The following STAB1 variants were observed in gnomAD, a reference collection of about 807,000 sequenced individuals.
STAB1 encodes stabilin-1.
A neutral mutation model predicts 332.4 loss-of-function variants in STAB1; 250 were observed. The observed-to-expected ratio is 0.75, with a 90% confidence interval of 0.68 to 0.84. STAB1 has a LOEUF of 0.84. STAB1 is among the 40% of genes least tolerant of loss of function. The probability of loss-of-function intolerance (pLI) is 0.00; values close to 1 mark genes in which losing one functional copy is unlikely to be tolerated. For synonymous variants in STAB1, 1,475 were observed against 1,390.4 expected (o/e 1.06, Z -1.35); for missense variants, 3,249 against 3,489.7 (o/e 0.93, Z 1.74).
In STAB1 at chr3:52,518,539, T is replaced by A. The variant is rs753448657; in HGVS notation, c.4813T>A (p.Tyr1605Asn). 10 of 1,587,102 alleles carry A rather than the reference T, an allele frequency of 6.3e-6. No homozygotes were observed. In the African/African-American group the frequency reaches 1.3e-4, roughly 21 times the overall value. ...ATGCTGTTGCTGCCTCCCGCAGGAA[T>A]ATAAGGAGCTCAAGGGCGATGGGCC... Reference protein sequence around the residue: ...ASFFSLRLLEYKELKGDGPFT... With the variant: ...ASFFSLRLLENKELKGDGPFT... The change falls in exon 47 of 69, where the codon TAT becomes AAT. Residue 1605 changes from tyrosine to asparagine, a missense_variant. By Grantham distance (143) the Tyr-to-Asn change is moderately radical. Transcript: ENST00000321725.
intron 1 of STAB1, among the ~76,000 whole-genome samples, chr3:52,500,939 T>A (rs938845743): frequency 2.6e-5 from 4 of 152,112 alleles, no homozygotes; most frequent in Non-Finnish European, 2.9e-5. Flanking sequence ...AACAGACAGG[T>A]TTCACAGGGC....
intron 50 of STAB1, 161 bp downstream of exon 50, chr3:52,519,725 G>A: frequency 8.2e-7 from 1 of 1,222,678 alleles, no homozygotes; most frequent in Non-Finnish European, 1.1e-6. Context: ...GTGTGCATGT[G>A]CACCCCAGGT....
chr3:52,510,067 A>T lies in STAB1; in HGVS notation c.2534+11A>T, dbSNP rs750332102. The T allele has an allele frequency of 6.2e-7, 1 of 1,612,134 alleles. No individual in the cohort carries two copies. Among genetic ancestry groups the T allele is most frequent in the African/African-American group, 1.3e-5 (1 of 74,900 alleles). On this transcript the variant is annotated intron_variant, in intron 23 of 68. Coordinates refer to ENST00000321725, the MANE Select transcript of STAB1 (RefSeq NM_015136.3). ...GGAGGGTGTTGCCAGGTGAGGACCC[A>T]CACCTTCTGTCTGCCCCACCCGTGA...
In STAB1 at chr3:52,513,127, C is replaced by T. The variant is rs1218935024; in HGVS notation, c.3159-3C>T. 3 of 1,563,304 alleles carry T rather than the reference C, an allele frequency of 1.9e-6. No individual in the cohort carries two copies. The South Asian group carries it at 3.5e-5, about 18-fold the overall frequency. ...ATGACCCCCCTAAACTGTGCCCTGTCAGGGCCCATTTTCTCCAGGGTGCCC... is the reference window on the plus strand; with the variant it reads ...ATGACCCCCCTAAACTGTGCCCTGTTAGGGCCCATTTTCTCCAGGGTGCCC... On this transcript the variant is annotated splice_polypyrimidine_tract_variant and splice_region_variant and intron_variant, in intron 29 of 68. Coordinates refer to ENST00000321725, the MANE Select transcript of STAB1 (RefSeq NM_015136.3).
At chr3:52,519,161 T>C in intron 48 of STAB1, 103 bp from the exon 49 acceptor site, 2 of 1,415,726 alleles carry the variant, frequency 1.4e-6, no homozygotes, top group Non-Finnish European at 1.9e-6. Flanking sequence ...CGGGACTGCC[T>C]GCACCCTGAC....
In STAB1 at chr3:52,517,592, C is replaced by G; in HGVS notation, c.4606C>G (p.Arg1536Gly). 1 of 1,612,890 alleles carries G rather than the reference C, an allele frequency of 6.2e-7. No homozygotes were observed. The highest frequency in any genetic ancestry group is 8.5e-7 in the Non-Finnish European group (1 of 1,179,912). Residue 1536 changes from arginine (R) to glycine (G), a missense_variant, in exon 44 of 69, where the codon CGG (arginine) becomes GGG (glycine). Arg to Gly is a moderately radical substitution (Grantham distance 125). Coordinates refer to ENST00000321725, the MANE Select transcript of STAB1 (RefSeq NM_015136.3). ...CREGYSGDGI[R>G]TCELLDPCSK... ...TGAGGGTTACAGCGGGGATGGCATC[C>G]GGACCTGCGAGCTCCTGGACCCCTG...
At chr3:52,516,660 A>T (rs758786411) in intron 40 of STAB1, 32 bp from the exon 41 acceptor site, 2 of 1,612,384 alleles carry the variant, frequency 1.2e-6, no homozygotes, top group Non-Finnish European at 8.5e-7. Flanking sequence ...CTGGACAGGC[A>T]TGGGCTAAGC....
Position 52,520,308 on chromosome 3 carries a change from G to T in STAB1, c.5499+18G>T, listed in dbSNP as rs1270990272. On this transcript the variant is annotated intron_variant, in intron 52 of 68. Coordinates refer to ENST00000321725, the MANE Select transcript of STAB1 (RefSeq NM_015136.3). ...CGCGGGCCGTGAGTCTGGGGAGAGG[G>T]CTTGGATGAAGGGAGTAGGAGGCAG... 1 of 1,613,026 alleles carries T rather than the reference G, an allele frequency of 6.2e-7. No homozygotes were observed. Among genetic ancestry groups the T allele is most frequent in the South Asian group, 1.1e-5 (1 of 91,090 alleles).
At position 52,519,273 on chromosome 3, in the gene STAB1, T is replaced by C. The variant is rs1343602406; in HGVS notation, c.5044T>C (p.Tyr1682His). 2 of 1,612,788 alleles carry C rather than the reference T, an allele frequency of 1.2e-6. No homozygotes were observed. The highest frequency in any genetic ancestry group is 1.7e-6 in the Non-Finnish European group (2 of 1,179,918). Residue 1682 changes from tyrosine to histidine, a missense_variant, in exon 49 of 69, where the codon TAC becomes CAC. Transcript: ENST00000321725. ...CGTGCCCCGCCCCCAGGGCAGCATA[T>C]ACCTCAATGACTTCGCGCGCGTGGT... ...LRFSEREGSI[Y>H]LNDFARVVSS...
Position 52,505,340 on chromosome 3 carries a change from G to A in STAB1, c.1540G>A (p.Ala514Thr), listed in dbSNP as rs777086203. ...DPKRTIGQIL[A>T]STEAFSRFET... ...ACAGAGAACTATCGGACAGATCCTC[G>A]CCTCTACCGAGGCCTTCAGCCGCTT... is the stretch of plus-strand genomic sequence containing the variant. The change falls in exon 14 of 69, where the codon GCC becomes ACC. Residue 514 changes from alanine to threonine, a missense_variant. Coordinates refer to ENST00000321725, the MANE Select transcript of STAB1 (RefSeq NM_015136.3). 9.9e-6 allele frequency: 16 copies of A among 1,613,580 alleles called. No individual in the cohort carries two copies. Among genetic ancestry groups the A allele is most frequent in the South Asian group, 5.5e-5 (5 of 91,076 alleles).
In STAB1 at chr3:52,506,041, C is replaced by G. The variant is rs958783421; in HGVS notation, c.1749+105C>G. On this transcript the variant is annotated intron_variant, in intron 16 of 68. Transcript: ENST00000321725. Reference sequence around the variant, plus strand: ...ATCTCTTCTCCATCTCCCTTCCCTTCTCATCTGTTCTGCTATAGCACAGAG... The same window carrying G: ...ATCTCTTCTCCATCTCCCTTCCCTTGTCATCTGTTCTGCTATAGCACAGAG... 7.2e-6 allele frequency: 11 copies of G among 1,525,380 alleles called. No homozygotes were observed. In the African/African-American group the frequency reaches 1.5e-4, roughly 21 times the overall value. 94.5% of individuals were successfully genotyped at this position (1,525,380 alleles called of 1,614,324 possible).
chr3:52,516,875 C>T (rs1412113849), intron 41 of STAB1, 107 bp downstream of exon 41: 38 of 1,597,466 alleles, frequency 2.4e-5, no homozygotes, highest in Non-Finnish European at 3.2e-5. Context: ...TGTCCCATCT[C>T]AGGACTCACC....
At chr3:52,522,734 G>C (rs2079117061) in intron 61 of STAB1, 41 bp from the exon 62 acceptor site, 2 of 1,612,638 alleles carry the variant, frequency 1.2e-6, no homozygotes, top group Admixed American at 1.7e-5. Flanking sequence ...GGGAGGCCTT[G>C]ACTGGGTCTT....
rs1225017898 is a variant in STAB1 at position 52,517,905 on chromosome 3, G to A, written c.4663G>A (p.Ala1555Thr). The A allele has an allele frequency of 3.7e-6, 6 of 1,611,752 alleles. No individual in the cohort carries two copies. Among genetic ancestry groups the A allele is most frequent in the South Asian group, 2.2e-5 (2 of 90,890 alleles). Residue 1555 changes from alanine (A) to threonine (T), a missense_variant, in exon 45 of 69, where the codon GCC becomes ACC. Ala to Thr is a moderately conservative substitution (Grantham distance 58). Transcript: ENST00000321725. ...GAACAATGGAGGATGCAGCCCATAT[G>A]CCACCTGCAAAAGCACAGGGGATGG... is the stretch of plus-strand genomic sequence containing the variant. The part of the protein sequence containing the change: ...SKNNGGCSPY[A>T]TCKSTGDGQR...
rs72165222 is a variant in STAB1, at chr3:52,495,720, CTA to C, written c.78+231_78+232del. Among the ~76,000 whole-genome samples the C allele has an allele frequency of 5.9e-3, 901 of 152,334 alleles. 12 individuals carry two copies. The highest frequency in any genetic ancestry group is 0.021 in the African/African-American group (867 of 41,576). On this transcript the variant is annotated intron_variant, in intron 1 of 68. Transcript: ENST00000321725. ...GGTGTGTCAGCCCACCCTCCTCTGA[CTA>C]TGCGGGGCCGGGGCTCCCCAGCGTG...
intron 6 of STAB1, 33 bp downstream of exon 6, chr3:52,502,760 C>T (rs1405584476): frequency 1.9e-6 from 3 of 1,596,672 alleles, no homozygotes; most frequent in Non-Finnish European, 2.6e-6. Flanking sequence ...CCTAGGGCAG[C>T]AGGTCCCTGT....
chr3:52,513,574 T>C, intron 30 of STAB1, 143 bp from the exon 31 acceptor site: 1 of 829,806 alleles, frequency 1.2e-6, no homozygotes, highest in East Asian at 2.7e-5. Context: ...TGGGAGGAGC[T>C]TCTGTGCAGA....
intron 1 of STAB1, among the ~76,000 whole-genome samples, chr3:52,500,728 G>A (rs1204113125): frequency 6.6e-6 from 1 of 152,204 alleles, no homozygotes; most frequent in East Asian, 1.9e-4. Context: ...GTGAGCACTA[G>A]GCTGGGAATC....
rs2079007323 is a variant in STAB1, at chr3:52,519,658, G to A, written c.5235+94G>A. The A allele has an allele frequency of 2.6e-6, 4 of 1,535,048 alleles. No individual in the cohort carries two copies. The East Asian group carries it at 6.9e-5, about 26-fold the overall frequency. On this transcript the variant is annotated intron_variant, in intron 50 of 68. Coordinates refer to ENST00000321725, the MANE Select transcript of STAB1 (RefSeq NM_015136.3). Reference sequence around the variant, plus strand: ...CGTACCTGTGTGTGCATACCCACCTGTGTGCACACTGTCCCGTGTGAGCCT... The same window carrying A: ...CGTACCTGTGTGTGCATACCCACCTATGTGCACACTGTCCCGTGTGAGCCT...
Sources: allele counts gnomAD v4.1 joint callset (sites outside exome capture counted in the v4.1 genomes callset), GRCh38; gene constraint gnomAD v4.1.1; transcripts MANE v1.5; gene names NCBI Gene and HGNC (gene_info 2026-07-23, HGNC 2026-07-21).